Variants in PNKD observed in about 807,000 individuals in gnomAD.
PNKD encodes probable thioesterase PNKD.
A neutral mutation model predicts 45.3 loss-of-function variants in PNKD; 36 were observed. The observed-to-expected ratio is 0.80, with a 90% confidence interval of 0.61 to 1.05. PNKD has a LOEUF of 1.05. PNKD is among the 50% of genes least tolerant of loss of function. PNKD has a pLI of 0.00. For synonymous variants in PNKD, 197 were observed against 210.1 expected (o/e 0.94, Z 0.54); for missense variants, 511 against 506.6 (o/e 1.01, Z -0.08).
intron 2 of PNKD, among the ~76,000 whole-genome samples, chr2:218,325,909 C>T (rs1694139914): frequency 6.6e-6 from 1 of 152,162 alleles, no homozygotes; most frequent in South Asian, 2.1e-4. Context: ...AGTCAGAATT[C>T]CAGACCCTGC....
intron 2 of PNKD, among the ~76,000 whole-genome samples, chr2:218,313,776 A>G (rs1238980445): frequency 6.6e-6 from 1 of 152,158 alleles, no homozygotes; most frequent in Non-Finnish European, 1.5e-5. Flanking sequence ...TGATGTCCCT[A>G]CAAACCATGT....
intron 2 of PNKD, among the ~76,000 whole-genome samples, chr2:218,287,790 G>T (rs960692731): frequency 1.3e-5 from 2 of 152,110 alleles, no homozygotes; most frequent in Admixed American, 6.5e-5. Context: ...AGCCAGGGTG[G>T]CCTCTCTCTG....
chr2:218,315,203 G>A (rs9751319), intron 2 of PNKD, among the ~76,000 whole-genome samples: 12,871 of 147,714 alleles, frequency 0.087, 1,891 homozygotes, highest in African/African-American at 0.31. Context: ...GTGCAGTGGC[G>A]TGATCTCAGC....
intron 2 of PNKD, among the ~76,000 whole-genome samples, chr2:218,292,830 T>C (rs1439356142): frequency 6.6e-6 from 1 of 152,208 alleles, no homozygotes; most frequent in Non-Finnish European, 1.5e-5. Flanking sequence ...TTTCTGTATG[T>C]ATTTTGTTTT....
chr2:218,338,247 G>A (rs530235065), intron 2 of PNKD, among the ~76,000 whole-genome samples: 1 of 152,112 alleles, frequency 6.6e-6, no homozygotes, highest in Admixed American at 6.5e-5. Context: ...GATCACCTAA[G>A]GTCAGGAGTT....
At chr2:218,278,310 G>A in intron 2 of PNKD, 1 of 622,540 alleles carries the variant, frequency 1.6e-6, no homozygotes. Flanking sequence ...GTCTTGCAGG[G>A]TTACTATAAG....
At chr2:218,273,044 C>A in intron 2 of PNKD, 1 of 908,928 alleles carries the variant, frequency 1.1e-6, no homozygotes, top group Non-Finnish European at 1.5e-6. Flanking sequence ...GTGTTCCCAG[C>A]TGGATGGTGG....
intron 2 of PNKD, among the ~76,000 whole-genome samples, chr2:218,338,047 T>C (rs1032559402): frequency 2.0e-5 from 3 of 152,108 alleles, no homozygotes; most frequent in Non-Finnish European, 4.4e-5. Flanking sequence ...CTCAGGAGGC[T>C]GAGGCAGGAG....
intron 2 of PNKD, among the ~76,000 whole-genome samples, chr2:218,304,184 G>A (rs1574678532): frequency 6.6e-6 from 1 of 151,616 alleles, no homozygotes; most frequent in African/African-American, 2.4e-5. Context: ...ACAGAGTTTC[G>A]CTCTTGTTGC....
chr2:218,276,564 C>T (rs1691232265), intron 2 of PNKD, among the ~76,000 whole-genome samples: 1 of 152,198 alleles, frequency 6.6e-6, no homozygotes, highest in African/African-American at 2.4e-5. Flanking sequence ...GGCAGGCAGC[C>T]CTCGTGTCCC....
chr2:218,338,322 A>T (rs914036742), intron 2 of PNKD, among the ~76,000 whole-genome samples: 2 of 143,954 alleles, frequency 1.4e-5, no homozygotes, highest in Non-Finnish European at 3.0e-5. Context: ...ATTGCCGGGC[A>T]TGGTGGTGTG....
At chr2:218,310,383 T>C (rs1383776202) in intron 2 of PNKD, among the ~76,000 whole-genome samples, 1 of 151,354 alleles carries the variant, frequency 6.6e-6, no homozygotes, top group South Asian at 2.1e-4. Context: ...CCACCATGCC[T>C]GGCTAATTTT....
At chr2:218,339,753 C>G (rs1333502114) in intron 2 of PNKD, 30 bp from the exon 3 acceptor site, 3 of 1,404,874 alleles carry the variant, frequency 2.1e-6, no homozygotes, top group Non-Finnish European at 3.0e-6. Context: ...GGAGAAAAGG[C>G]TAATCATAGG....
chr2:218,285,991 TA>T, intron 2 of PNKD: 1 of 154,838 alleles, frequency 6.5e-6, no homozygotes, highest in South Asian at 2.0e-4. Context: ...TAGCTATGTC[TA>T]AGGGTGGAGG....
intron 2 of PNKD, among the ~76,000 whole-genome samples, chr2:218,323,659 C>A (rs986505253): frequency 1.3e-5 from 2 of 151,902 alleles, no homozygotes; most frequent in African/African-American, 4.8e-5. Context: ...ATCGGAGAGG[C>A]GGGCCAGGGT....
intron 2 of PNKD, among the ~76,000 whole-genome samples, chr2:218,316,268 C>CTT (rs397972881): frequency 0.081 from 9,691 of 119,422 alleles, 1,715 homozygotes; most frequent in African/African-American, 0.29. Context: ...TTCTTTCTTT[C>CTT]TTTTTTTTTT....
At chr2:218,276,875 C>G (rs1691269730) in intron 2 of PNKD, 3 of 726,402 alleles carry the variant, frequency 4.1e-6, no homozygotes, top group Non-Finnish European at 7.2e-6. Flanking sequence ...GGTGCCTTTG[C>G]TAGCCAGTCG....
intron 2 of PNKD, chr2:218,277,581 C>G (rs1256936816): frequency 3.1e-6 from 5 of 1,613,086 alleles, no homozygotes; most frequent in Admixed American, 1.7e-5. Context: ...AGGAACACCC[C>G]ACTCCCCACA....
intron 2 of PNKD, among the ~76,000 whole-genome samples, chr2:218,292,304 G>C (rs947462897): frequency 2.0e-5 from 3 of 152,152 alleles, no homozygotes; most frequent in African/African-American, 7.2e-5. Context: ...AGGGCCAGGA[G>C]GGGAGATCCC....
Sources: gnomAD v4.1 joint callset for allele counts (sites outside exome capture counted in the v4.1 genomes callset) on GRCh38, gnomAD v4.1.1 for gene constraint, MANE v1.5 for transcripts, NCBI Gene and HGNC (gene_info 2026-07-23, HGNC 2026-07-21) for gene names.